The following JMJD1C variants were observed in gnomAD, a reference collection of about 807,000 sequenced individuals.
JMJD1C encodes the protein jumonji domain containing 1C.
Under a neutral mutation model 245.3 loss-of-function variants are expected in JMJD1C, and 31 were observed. The observed-to-expected ratio is 0.13, with a 90% CI of 0.09 to 0.17. JMJD1C has a LOEUF of 0.17. Ranked by LOEUF, JMJD1C falls within the 10% of genes least tolerant of loss-of-function variation. The probability of loss-of-function intolerance (pLI) is 1.00; values close to 1 mark genes in which losing one functional copy is unlikely to be tolerated. For missense variants in JMJD1C, 2,691 were observed against 3,000.2 expected (o/e 0.90, Z 2.41); for synonymous variants, 1,057 against 1,017.4 (o/e 1.04, Z -0.74).
intron 3 of JMJD1C, among the ~76,000 whole-genome samples, chr10:63,237,407 G>C (rs1037580450): frequency 6.6e-6 from 1 of 152,064 alleles, no homozygotes; most frequent in African/African-American, 2.4e-5. Flanking sequence ...ATACCACATC[G>C]AAGTTTTTTG....
chr10:63,233,794 G>A (rs936836924), intron 3 of JMJD1C, among the ~76,000 whole-genome samples: 1 of 145,380 alleles, frequency 6.9e-6, no homozygotes, highest in Non-Finnish European at 1.5e-5. Flanking sequence ...CCACCACCAG[G>A]ATATATAACA....
At chr10:63,418,720 T>C (rs1364870054) in intron 1 of JMJD1C, among the ~76,000 whole-genome samples, 1 of 146,538 alleles carries the variant, frequency 6.8e-6, no homozygotes, top group Non-Finnish European at 1.5e-5. Context: ...TAAAATATCA[T>C]GTGGGGGGGG....
At chr10:63,212,104 T>C (rs533561109) in intron 8 of JMJD1C, among the ~76,000 whole-genome samples, 1 of 152,266 alleles carries the variant, frequency 6.6e-6, no homozygotes, top group East Asian at 1.9e-4. Flanking sequence ...ATTCTACTCA[T>C]AGAAAGTATC....
At chr10:63,234,513 A>AAAAAAAAAC (rs1850457281) in intron 3 of JMJD1C, among the ~76,000 whole-genome samples, 1 of 150,008 alleles carries the variant, frequency 6.7e-6, no homozygotes, top group African/African-American at 2.4e-5. Flanking sequence ...AAAAAAAAAA[A>AAAAAAAAAC]AAAAAAAACA....
At position 63,419,387 on chromosome 10, in the gene JMJD1C, G is replaced by A. The variant is rs573816124; in HGVS notation, c.169-38905C>T. On this transcript the variant is annotated intron_variant, in intron 1 of 25. Transcript: ENST00000399262. Reference sequence around the variant, plus strand: ...GGGCGACAGAGCAAGACTCTGTCTCGAAAAAAAATATATATATAGATAAGA... The same window carrying A: ...GGGCGACAGAGCAAGACTCTGTCTCAAAAAAAAATATATATATAGATAAGA... Among the ~76,000 whole-genome samples the A allele has an allele frequency of 1.0e-3, 154 of 151,494 alleles. 1 individual carries two copies. Among genetic ancestry groups the A allele is most frequent in the East Asian group, 2.1e-3 (11 of 5,162 alleles).
At chr10:63,482,887 G>A (rs1953873159) in intron 1 of JMJD1C, among the ~76,000 whole-genome samples, 1 of 152,170 alleles carries the variant, frequency 6.6e-6, no homozygotes, top group Non-Finnish European at 1.5e-5. Flanking sequence ...CTATTGCTAA[G>A]AAAGGTCAGT....
intron 1 of JMJD1C, among the ~76,000 whole-genome samples, chr10:63,514,610 G>C (rs1395436383): frequency 6.6e-6 from 1 of 151,920 alleles, no homozygotes; most frequent in East Asian, 1.9e-4. Context: ...GGCAACAATA[G>C]ACACTGGAGA....
chr10:63,213,845 T>G lies in JMJD1C; in HGVS notation c.2322A>C (p.Leu774Phe), dbSNP rs1414243223. ...LLAGSSSQTP[L>F]PTINTHPLTS... ...TCAGAGGATGAGTGTTAATGGTAGG[T>G]AATGGAGTTTGACTAGATGATCCGG... The change falls in exon 8 of 26, where the codon TTA becomes TTC. Residue 774 changes from leucine to phenylalanine, a missense_variant. Coordinates refer to ENST00000399262, the MANE Select transcript of JMJD1C (RefSeq NM_032776.3). 12 of 1,613,752 alleles carry G rather than the reference T, an allele frequency of 7.4e-6. No homozygotes were observed. Among genetic ancestry groups the G allele is most frequent in the Non-Finnish European group, 8.5e-6 (10 of 1,179,896 alleles).
At chr10:63,184,774 G>T (rs754493599) in intron 20 of JMJD1C, 36 bp from the exon 21 acceptor site, 19 of 1,566,882 alleles carry the variant, frequency 1.2e-5, no homozygotes, top group Non-Finnish European at 1.6e-5. Context: ...TATAAATAAA[G>T]ATTTGCATTG....
chr10:63,171,626 A>G (rs1311758955), intron 24 of JMJD1C, among the ~76,000 whole-genome samples: 1 of 152,218 alleles, frequency 6.6e-6, no homozygotes, highest in East Asian at 1.9e-4. Context: ...GTGGTCCCTG[A>G]ACAGTAAAAT....
intron 2 of JMJD1C, among the ~76,000 whole-genome samples, chr10:63,312,992 G>C (rs1394957084): frequency 6.6e-6 from 1 of 151,968 alleles, no homozygotes; most frequent in African/African-American, 2.4e-5. Context: ...GTAGCTTTTG[G>C]ATACATGAGT....
At chr10:63,436,639 C>T (rs1951073657) in intron 1 of JMJD1C, among the ~76,000 whole-genome samples, 1 of 152,136 alleles carries the variant, frequency 6.6e-6, no homozygotes, top group Admixed American at 6.6e-5. Context: ...TTTCAGTATC[C>T]ACAGTGATGA....
chr10:63,217,026 G>A (rs1848072724), intron 5 of JMJD1C, among the ~76,000 whole-genome samples, 181 bp downstream of exon 5: 1 of 152,164 alleles, frequency 6.6e-6, no homozygotes, highest in African/African-American at 2.4e-5. Flanking sequence ...GAGCATTGCT[G>A]TCTCCCTATG....
At chr10:63,381,567 T>C (rs1283800375) in intron 1 of JMJD1C, among the ~76,000 whole-genome samples, 4 of 151,862 alleles carry the variant, frequency 2.6e-5, no homozygotes, top group Non-Finnish European at 5.9e-5. Flanking sequence ...CTCATGGAGG[T>C]AGAGGGTAGA....
intron 2 of JMJD1C, among the ~76,000 whole-genome samples, chr10:63,291,082 G>A (rs145931818): frequency 0.011 from 1,662 of 151,978 alleles, 18 homozygotes; most frequent in Non-Finnish European, 0.017. Context: ...CGAGGTGGGC[G>A]GATCACGAGG....
intron 2 of JMJD1C, among the ~76,000 whole-genome samples, chr10:63,363,836 G>A (rs1306230072): frequency 6.8e-6 from 1 of 148,064 alleles, no homozygotes; most frequent in Non-Finnish European, 1.5e-5. Flanking sequence ...ATAGGTACAC[G>A]CCACCATGCC....
chr10:63,363,852 A>ATT (rs1491155881), intron 2 of JMJD1C, among the ~76,000 whole-genome samples: 1 of 132,764 alleles, frequency 7.5e-6, no homozygotes, highest in Non-Finnish European at 1.6e-5. Flanking sequence ...ATGCCTGGCT[A>ATT]ATTTTTTTTT....
intron 2 of JMJD1C, among the ~76,000 whole-genome samples, chr10:63,292,144 A>ATTTTTTTTTGTTTTTTTTTTTTTTTTT (rs1858840375): frequency 1.8e-5 from 1 of 56,326 alleles, no homozygotes; most frequent in Non-Finnish European, 3.2e-5. Context: ...GTAGAGACAG[A>ATTTTTTTTTGTTTTTTTTTTTTTTTTT]TTTTTTTTTT....
chr10:63,229,177 A>T (rs530853837), intron 3 of JMJD1C, among the ~76,000 whole-genome samples: 1 of 152,248 alleles, frequency 6.6e-6, no homozygotes, highest in Non-Finnish European at 1.5e-5. Flanking sequence ...TTTTAAAAAA[A>T]AGGAAACATA....
Sources: gnomAD v4.1 joint callset for allele counts (sites outside exome capture counted in the v4.1 genomes callset) on GRCh38, gnomAD v4.1.1 for gene constraint, MANE v1.5 for transcripts, NCBI Gene and HGNC (gene_info 2026-07-23, HGNC 2026-07-21) for gene names.